Variants in EPM2A observed in about 807,000 individuals in gnomAD.
EPM2A encodes EPM2A glucan phosphatase, laforin, also known as laforin.
Under a neutral mutation model 26.5 loss-of-function variants are expected in EPM2A, and 21 were observed. The observed-to-expected ratio is 0.79, with a 90% CI of 0.56 to 1.14. The LOEUF (loss-of-function observed/expected upper bound fraction) is 1.14. Ranked by LOEUF, EPM2A falls within the 50% of genes most tolerant of loss-of-function variation. The probability of loss-of-function intolerance (pLI) is 0.00; values close to 1 mark genes in which losing one functional copy is unlikely to be tolerated. For synonymous variants in EPM2A, 217 were observed against 177.6 expected, an observed-to-expected ratio of 1.22 and a Z score of -1.76; for missense variants, 458 against 440.8, an observed-to-expected ratio of 1.04 and a Z score of -0.35.
intron 2 of EPM2A, among the ~76,000 whole-genome samples, chr6:145,674,109 A>G (rs1452366397): frequency 6.6e-6 from 1 of 152,136 alleles, no homozygotes; most frequent in African/African-American, 2.4e-5. Flanking sequence ...TCAGGCAGCA[A>G]TATTTGCTAT....
At chr6:145,600,084 A>G (rs1781397163) in intron 2 of EPM2A, among the ~76,000 whole-genome samples, 1 of 151,854 alleles carries the variant, frequency 6.6e-6, no homozygotes. Context: ...TGAACTCTCA[A>G]TTTTTCTAGG....
chr6:145,445,113 C>A (rs1422872763), intron 4 of EPM2A, among the ~76,000 whole-genome samples: 1 of 152,064 alleles, frequency 6.6e-6, no homozygotes. Context: ...TCTGCCTTAG[C>A]CTTCATTTTC....
intron 2 of EPM2A, among the ~76,000 whole-genome samples, chr6:145,523,356 G>T (rs953845304): frequency 6.6e-6 from 1 of 152,054 alleles, no homozygotes; most frequent in African/African-American, 2.4e-5. Flanking sequence ...CTGAATTTTT[G>T]CAAATTGAAG....
intron 2 of EPM2A, among the ~76,000 whole-genome samples, chr6:145,570,501 T>C (rs904125543): frequency 2.6e-5 from 4 of 152,238 alleles, no homozygotes; most frequent in Admixed American, 2.6e-4. Context: ...TTTCTTAGTA[T>C]ACGTGTACAC....
chr6:145,456,636 T>C (rs1779266026), intron 4 of EPM2A, among the ~76,000 whole-genome samples: 1 of 152,206 alleles, frequency 6.6e-6, no homozygotes, highest in African/African-American at 2.4e-5. Flanking sequence ...TATTGGGGCT[T>C]ACTATGTACT....
At chr6:145,603,141 G>C (rs1781437208) in intron 2 of EPM2A, among the ~76,000 whole-genome samples, 1 of 152,162 alleles carries the variant, frequency 6.6e-6, no homozygotes, top group Non-Finnish European at 1.5e-5. Flanking sequence ...ATGCTTGGCA[G>C]TGGAAATGAC....
intron 4 of EPM2A, among the ~76,000 whole-genome samples, chr6:145,390,820 A>C (rs1170925963): frequency 7.1e-6 from 1 of 140,848 alleles, no homozygotes; most frequent in African/African-American, 2.5e-5. Flanking sequence ...CCAGCCTCAA[A>C]CTTAAATGTT....
At chr6:145,414,960 C>T (rs1208026809) in intron 4 of EPM2A, among the ~76,000 whole-genome samples, 3 of 152,156 alleles carry the variant, frequency 2.0e-5, no homozygotes, top group Non-Finnish European at 4.4e-5. Flanking sequence ...ACCTCTTTGG[C>T]TCACTTTTCC....
At chr6:145,513,632 A>G (rs1195698494) in intron 2 of EPM2A, among the ~76,000 whole-genome samples, 1 of 152,244 alleles carries the variant, frequency 6.6e-6, no homozygotes, top group Non-Finnish European at 1.5e-5. Context: ...TATTTATCTA[A>G]CCTAGTTAAA....
At chr6:145,389,644 G>A (rs1227159014) in intron 4 of EPM2A, among the ~76,000 whole-genome samples, 2 of 152,116 alleles carry the variant, frequency 1.3e-5, no homozygotes, top group Admixed American at 1.3e-4. Flanking sequence ...CACATAATTG[G>A]TGTTCCATAA....
chr6:145,589,048 A>G (rs1456709172), intron 2 of EPM2A, among the ~76,000 whole-genome samples: 1 of 152,230 alleles, frequency 6.6e-6, no homozygotes, highest in Non-Finnish European at 1.5e-5. Context: ...GCCCTGCCCC[A>G]ACCCTGGCTG....
At chr6:145,467,795 GTAACAGTCTTTCA>G (rs1261027512) in intron 4 of EPM2A, among the ~76,000 whole-genome samples, 3 of 151,834 alleles carry the variant, frequency 2.0e-5, no homozygotes, top group African/African-American at 7.3e-5. Context: ...ACTGTTTTTC[GTAACAGTCTTTCA>G]GATCTTTTGT....
intron 2 of EPM2A, among the ~76,000 whole-genome samples, chr6:145,581,379 T>C (rs752632690): frequency 6.6e-6 from 1 of 152,312 alleles, no homozygotes; most frequent in African/African-American, 2.4e-5. Flanking sequence ...AAGTTCCTTA[T>C]AGATTCTGAA....
chr6:145,584,658 G>C (rs1267090530), intron 2 of EPM2A, among the ~76,000 whole-genome samples: 4 of 152,142 alleles, frequency 2.6e-5, no homozygotes, highest in African/African-American at 4.8e-5. Context: ...ATAGGTCTGT[G>C]GCAAGAGTGA....
intron 4 of EPM2A, among the ~76,000 whole-genome samples, chr6:145,385,992 G>T (rs1476381516): frequency 6.6e-6 from 1 of 151,982 alleles, no homozygotes; most frequent in Non-Finnish European, 1.5e-5. Flanking sequence ...ATTTCATTCA[G>T]ATCTCAAATG....
At chr6:145,634,279 T>C (rs544370459) in intron 3 of EPM2A, among the ~76,000 whole-genome samples, 28 of 152,288 alleles carry the variant, frequency 1.8e-4, no homozygotes, top group Admixed American at 1.5e-3. Context: ...AGTACCCTAT[T>C]CTACAACCAG....
At chr6:145,411,844 C>T (rs2114675670) in intron 4 of EPM2A, among the ~76,000 whole-genome samples, 1 of 152,210 alleles carries the variant, frequency 6.6e-6, no homozygotes, top group East Asian at 1.9e-4. Context: ...GCCTCTCGGC[C>T]CTTTTTACAA....
At chr6:145,624,177 C>T (rs970643475), downstream of EPM2A, among the ~76,000 whole-genome samples, 8 of 152,114 alleles carry the variant, frequency 5.3e-5, no homozygotes, top group East Asian at 1.9e-4. Context: ...TTGATCAGCA[C>T]GTTACATCTA....
chr6:145,627,472 G>C lies in EPM2A; in HGVS notation c.940C>G (p.Gln314Glu). Residue 314 changes from glutamine (Q) to glutamate (E), a missense_variant, in exon 4 of 4, where the codon CAA becomes GAA. Gln to Glu is a conservative substitution (Grantham distance 29). Coordinates refer to ENST00000367519, the MANE Select transcript of EPM2A (RefSeq NM_005670.4). Reference protein sequence around the residue: ...YIDEEALARAQEDFFQKFGKV... With the variant: ...YIDEEALARAEEDFFQKFGKV... ...CCAAATTTCTGGAAAAAATCTTCTTGTGCCCGGGCCAAGGCCTCTTCGTCA... is the reference window on the plus strand; with the variant it reads ...CCAAATTTCTGGAAAAAATCTTCTTCTGCCCGGGCCAAGGCCTCTTCGTCA... 1 of 1,614,232 alleles carries C rather than the reference G, an allele frequency of 6.2e-7. No homozygotes were observed. The highest frequency in any genetic ancestry group is 1.1e-5 in the South Asian group (1 of 91,086).
Sources: allele counts gnomAD v4.1 joint callset (sites outside exome capture counted in the v4.1 genomes callset), GRCh38; gene constraint gnomAD v4.1.1; transcripts MANE v1.5; gene names NCBI Gene and HGNC (gene_info 2026-07-23, HGNC 2026-07-21).